The following TAPT1 variants were observed in gnomAD, a reference collection of about 807,000 sequenced individuals.
The protein encoded by TAPT1 is transmembrane anterior posterior transformation protein 1 homolog.
In TAPT1, 28 loss-of-function variants were observed where a neutral mutation model predicts 65.6. That is an observed-to-expected ratio of 0.43 (90% confidence interval 0.32 to 0.59). The LOEUF is 0.59. TAPT1 is among the 20% of genes least tolerant of loss of function. The probability of loss-of-function intolerance (pLI) is 0.09; values close to 1 mark genes in which losing one functional copy is unlikely to be tolerated. For missense variants in TAPT1, 563 were observed against 679.9 expected (o/e 0.83, Z 1.91); for synonymous variants, 278 against 245.2 (o/e 1.13, Z -1.25).
At chr4:16,219,734 TGA>T (rs1474389386) in intron 1 of TAPT1, among the ~76,000 whole-genome samples, 1 of 152,194 alleles carries the variant, frequency 6.6e-6, no homozygotes, top group Non-Finnish European at 1.5e-5. Flanking sequence ...GCAACAATCA[TGA>T]GAGTTAAACA....
chr4:16,164,395 CA>C (rs1319962095), intron 13 of TAPT1, among the ~76,000 whole-genome samples: 1 of 152,110 alleles, frequency 6.6e-6, no homozygotes, highest in African/African-American at 2.4e-5. Flanking sequence ...AGCTTGACTT[CA>C]ACACCCTCCT....
At chr4:16,221,282 C>T (rs1306101148) in intron 1 of TAPT1, among the ~76,000 whole-genome samples, 1 of 151,858 alleles carries the variant, frequency 6.6e-6, no homozygotes, top group Non-Finnish European at 1.5e-5. Context: ...CACACCTCCA[C>T]GCCCAGCTAA....
rs1237136670 is a variant in TAPT1 at position 16,225,598 on chromosome 4, G to GT, written c.199+660dup. Among the ~76,000 whole-genome samples, 3 of 152,192 alleles carry GT rather than the reference G, an allele frequency of 2.0e-5. No homozygotes were observed. The East Asian group carries it at 5.8e-4, about 29-fold the overall frequency. ...TAAAAACCTACAGCTTATAGAAACT[G>GT]TAACATTGTAACAATACGTTTAAAA... On this transcript the variant is annotated intron_variant, in intron 1 of 13. Transcript: ENST00000405303.
chr4:16,199,801 G>T (rs1362623011), intron 3 of TAPT1, among the ~76,000 whole-genome samples: 1 of 152,060 alleles, frequency 6.6e-6, no homozygotes, highest in Non-Finnish European at 1.5e-5. Context: ...ATGTTGCCCA[G>T]GCTAGTCTTA....
In TAPT1 at chr4:16,160,718, T is replaced by TA. The variant is rs1747207517; in HGVS notation, c.*2589dup. 3 of 152,320 alleles carry TA rather than the reference T, an allele frequency of 2.0e-5. No homozygotes were observed. Among genetic ancestry groups the TA allele is most frequent in the African/African-American group, 7.2e-5 (3 of 41,450 alleles). The allele number at this position is 152,320 out of a possible 1,614,324, so 9.4% of individuals were successfully genotyped here. On this transcript the variant is annotated 3_prime_UTR_variant, in exon 14 of 14. Transcript: ENST00000405303. ...TTAACAAATCTTTGTTGATAAAAAA[T>TA]AGTTGAAAACATGTAACAATGTAGA...
At chr4:16,188,899 G>A (rs1451681001) in intron 4 of TAPT1, among the ~76,000 whole-genome samples, 1 of 150,254 alleles carries the variant, frequency 6.7e-6, no homozygotes, top group Non-Finnish European at 1.5e-5. Flanking sequence ...CAGCCTGGGT[G>A]ACAGCGCGAC....
At chr4:16,187,906 G>A (rs189127853) in intron 5 of TAPT1, among the ~76,000 whole-genome samples, 1 of 152,194 alleles carries the variant, frequency 6.6e-6, no homozygotes, top group Admixed American at 6.5e-5. Flanking sequence ...ACATAAGTAC[G>A]AAAAATTATA....
At chr4:16,170,787 G>GT in intron 11 of TAPT1, 58 bp from the exon 12 acceptor site, 1 of 1,290,886 alleles carries the variant, frequency 7.7e-7, no homozygotes, top group South Asian at 1.2e-5. Context: ...CAACCACAGA[G>GT]TTATTAGTTA....
At chr4:16,170,873 A>G (rs1326715912) in intron 11 of TAPT1, 144 bp from the exon 12 acceptor site, 1 of 623,408 alleles carries the variant, frequency 1.6e-6, no homozygotes, top group Non-Finnish European at 2.8e-6. Flanking sequence ...AAAATCCAAG[A>G]AGGCAGATTT....
chr4:16,218,272 G>T (rs1221180884), intron 1 of TAPT1, among the ~76,000 whole-genome samples: 1 of 152,122 alleles, frequency 6.6e-6, no homozygotes, highest in African/African-American at 2.4e-5. Context: ...AGGTGTGGTG[G>T]CAGGTGCCTG....
At chr4:16,176,074 A>G (rs376872951) in intron 9 of TAPT1, 45 bp downstream of exon 9, 257 of 932,694 alleles carry the variant, frequency 2.8e-4, no homozygotes, top group Non-Finnish European at 3.9e-4. Context: ...AAATTAAGCA[A>G]CAGAAGTAAA....
At chr4:16,204,069 G>A (rs929181508) in intron 2 of TAPT1, among the ~76,000 whole-genome samples, 2 of 152,168 alleles carry the variant, frequency 1.3e-5, no homozygotes, top group African/African-American at 4.8e-5. Context: ...GCTGAGCAAG[G>A]TCCATATAGA....
At chr4:16,208,164 G>A (rs912973612) in intron 2 of TAPT1, among the ~76,000 whole-genome samples, 2 of 152,182 alleles carry the variant, frequency 1.3e-5, no homozygotes, top group African/African-American at 2.4e-5. Flanking sequence ...ATTAAATTAT[G>A]TAATTGTAGA....
chr4:16,213,695 A>C, intron 2 of TAPT1, 73 bp downstream of exon 2: 10 of 1,329,608 alleles, frequency 7.5e-6, no homozygotes, highest in Non-Finnish European at 1.0e-5. Flanking sequence ...CTAGCTGTTG[A>C]CCATTTTTTT....
At chr4:16,226,948 G>T, upstream of TAPT1, 1 of 401,294 alleles carries the variant, frequency 2.5e-6, no homozygotes, top group Non-Finnish European at 4.9e-6. Flanking sequence ...TCGGTGCCCG[G>T]AGTGCGCCGG....
intron 1 of TAPT1, among the ~76,000 whole-genome samples, chr4:16,219,573 G>C (rs28545799): frequency 0.01 from 1,526 of 152,266 alleles, 25 homozygotes; most frequent in African/African-American, 0.036. Flanking sequence ...CAACAACAAA[G>C]TTTCATAAGG....
chr4:16,209,696 C>G (rs1750548327), intron 2 of TAPT1, among the ~76,000 whole-genome samples: 1 of 152,134 alleles, frequency 6.6e-6, no homozygotes, highest in African/African-American at 2.4e-5. Context: ...AGAGATCTGT[C>G]TGGAAGTCAA....
At chr4:16,187,381 T>C (rs1749080792) in intron 5 of TAPT1, among the ~76,000 whole-genome samples, 1 of 152,200 alleles carries the variant, frequency 6.6e-6, no homozygotes, top group Non-Finnish European at 1.5e-5. Context: ...AAATATCTGA[T>C]AATTAAGATT....
At chr4:16,169,645 G>C (rs1218598337) in intron 12 of TAPT1, among the ~76,000 whole-genome samples, 3 of 152,230 alleles carry the variant, frequency 2.0e-5, no homozygotes, top group Non-Finnish European at 2.9e-5. Context: ...ACACAGCTCT[G>C]CAGGACAAGG....
Sources: allele counts gnomAD v4.1 joint callset (sites outside exome capture counted in the v4.1 genomes callset), GRCh38; gene constraint gnomAD v4.1.1; transcripts MANE v1.5; gene names NCBI Gene and HGNC (gene_info 2026-07-23, HGNC 2026-07-21).